The following TMEM163 variants were observed in gnomAD, a reference collection of about 807,000 sequenced individuals.
TMEM163 encodes the protein transmembrane protein 163.
TMEM163 carries 17 observed loss-of-function variants against 29.3 expected under a neutral mutation model. The ratio of observed to expected loss-of-function variants is 0.58; its 90% CI spans 0.40 to 0.87. TMEM163 has a LOEUF of 0.87. TMEM163 is among the 40% of genes least tolerant of loss of function. The pLI, the probability that TMEM163 is intolerant of heterozygous loss-of-function variation, is 0.00. For missense variants in TMEM163, 303 were observed against 381.5 expected (o/e 0.79, Z 1.71); for synonymous variants, 157 against 160.6 (o/e 0.98, Z 0.17).
intron 2 of TMEM163, among the ~76,000 whole-genome samples, chr2:134,697,583 G>GC (rs1436812091): frequency 6.6e-6 from 1 of 151,064 alleles, no homozygotes; most frequent in Non-Finnish European, 1.5e-5. Flanking sequence ...TCCTGCCTCA[G>GC]CCTCCCAAGT....
rs142156887 is a variant in TMEM163, at chr2:134,585,830, A to T, written c.323-33739T>A. Among the ~76,000 whole-genome samples the T allele has an allele frequency of 4.2e-3, 640 of 152,372 alleles. 5 individuals carry two copies. The highest frequency in any genetic ancestry group is 0.015 in the African/African-American group (609 of 41,584). On this transcript the variant is annotated intron_variant, in intron 2 of 7. Coordinates refer to ENST00000281924, the MANE Select transcript of TMEM163 (RefSeq NM_030923.5). ...GTTATTATCAATATTTCTTATAAAC[A>T]TAAAGCAAAATTGGAATATTTAATT... is the stretch of plus-strand genomic sequence containing the variant.
At chr2:134,493,083 G>A (rs1326057551) in intron 5 of TMEM163, among the ~76,000 whole-genome samples, 1 of 152,134 alleles carries the variant, frequency 6.6e-6, no homozygotes, top group East Asian at 1.9e-4. Context: ...ATCCCCCAAT[G>A]ACTAGGGTAA....
intron 7 of TMEM163, among the ~76,000 whole-genome samples, chr2:134,457,292 G>A (rs1386639029): frequency 1.3e-5 from 2 of 152,140 alleles, no homozygotes; most frequent in African/African-American, 4.8e-5. Context: ...CCATCCTCCC[G>A]CAGTGTATAC....
chr2:134,537,035 A>G (rs1289844208), intron 4 of TMEM163, among the ~76,000 whole-genome samples: 3 of 152,202 alleles, frequency 2.0e-5, no homozygotes, highest in Non-Finnish European at 2.9e-5. Context: ...ATCACTTCAA[A>G]ATATGTTGCC....
rs942720302 is a variant in TMEM163 at position 134,456,542 on chromosome 2, G to A, written c.*174C>T. 42 of 684,634 alleles carry A rather than the reference G, an allele frequency of 6.1e-5. 1 individual carries two copies. The highest frequency in any genetic ancestry group is 3.3e-4 in the East Asian group (12 of 36,606). 42.4% of individuals were successfully genotyped at this position (684,634 alleles called of 1,614,324 possible). A position where few individuals can be genotyped will look rare whatever the true frequency, so the allele number is the denominator to read the frequency against. The stretch of plus-strand genomic sequence containing the variant: ...TTGTCCCAACATGTTTGATGGGGGC[G>A]GCAGGTGATGGGGGCAAGGTAGATC... On this transcript the variant is annotated 3_prime_UTR_variant, in exon 8 of 8. Transcript: ENST00000281924.
intron 2 of TMEM163, among the ~76,000 whole-genome samples, chr2:134,581,070 G>A (rs6730778): frequency 1.3e-5 from 2 of 152,122 alleles, no homozygotes; most frequent in African/African-American, 2.4e-5. Flanking sequence ...CATCACAGAC[G>A]CAGGTGCCAA....
intron 2 of TMEM163, among the ~76,000 whole-genome samples, chr2:134,693,357 A>T (rs892514173): frequency 6.6e-6 from 1 of 152,242 alleles, no homozygotes; most frequent in Non-Finnish European, 1.5e-5. Flanking sequence ...CTGTAATCCC[A>T]GCACTTTGGC....
intron 2 of TMEM163, among the ~76,000 whole-genome samples, chr2:134,588,527 G>A (rs1323285264): frequency 6.6e-6 from 1 of 152,110 alleles, no homozygotes; most frequent in Admixed American, 6.5e-5. Context: ...CAAGGAGAGG[G>A]CACTGAACCA....
intron 5 of TMEM163, among the ~76,000 whole-genome samples, chr2:134,485,738 T>C (rs1679293147): frequency 6.6e-6 from 1 of 152,204 alleles, no homozygotes; most frequent in Non-Finnish European, 1.5e-5. Flanking sequence ...TACTTACATA[T>C]TGAAGGTTGA....
chr2:134,547,488 C>T (rs1680818583), intron 4 of TMEM163, among the ~76,000 whole-genome samples: 1 of 152,190 alleles, frequency 6.6e-6, no homozygotes, highest in African/African-American at 2.4e-5. Context: ...TTTCCAATTT[C>T]CTCTAATATT....
At chr2:134,630,065 G>A (rs890091906) in intron 2 of TMEM163, among the ~76,000 whole-genome samples, 1 of 152,078 alleles carries the variant, frequency 6.6e-6, no homozygotes, top group African/African-American at 2.4e-5. Flanking sequence ...TGCTCACCAC[G>A]TGCCTACTAT....
chr2:134,652,810 G>GT (rs1190021675), intron 2 of TMEM163, among the ~76,000 whole-genome samples: 12 of 121,394 alleles, frequency 9.9e-5, no homozygotes, highest in Non-Finnish European at 1.6e-4. Flanking sequence ...TAATCATGTG[G>GT]TTTTTGTCTT....
At chr2:134,536,395 T>C (rs1246912614) in intron 4 of TMEM163, among the ~76,000 whole-genome samples, 4 of 152,120 alleles carry the variant, frequency 2.6e-5, no homozygotes, top group Non-Finnish European at 5.9e-5. Flanking sequence ...TTACAGCTGT[T>C]CTCTTCCTCC....
chr2:134,530,005 C>T (rs1680385447), intron 4 of TMEM163, among the ~76,000 whole-genome samples: 1 of 152,106 alleles, frequency 6.6e-6, no homozygotes. Context: ...GCCAAGGCCA[C>T]TTCCCACCTT....
intron 2 of TMEM163, among the ~76,000 whole-genome samples, chr2:134,590,289 C>G (rs1681910403): frequency 6.6e-6 from 1 of 152,266 alleles, no homozygotes; most frequent in South Asian, 2.1e-4. Flanking sequence ...GCTTGTCTGT[C>G]TCTAGCCCTG....
rs747699983 is a variant in TMEM163 at position 134,550,596 on chromosome 2, A to G, written c.432T>C (p.Ala144=). The G allele has an allele frequency of 1.2e-6, 2 of 1,614,044 alleles. No individual in the cohort carries two copies. Among genetic ancestry groups the G allele is most frequent in the African/African-American group, 2.7e-5 (2 of 74,940 alleles). The part of the protein sequence containing the change: ...IVLWRYSNAA[A]VHSAHREYIA... The stretch of plus-strand genomic sequence containing the variant: ...TGTACTCCCTATGGGCAGAGTGCAC[A>G]GCGGCCGCGTTGCTGTAACGCCACA... The change falls in exon 4 of 8, where the codon GCT becomes GCC. Residue 144 remains alanine, a synonymous_variant. Transcript: ENST00000281924.
intron 7 of TMEM163, among the ~76,000 whole-genome samples, chr2:134,457,633 C>T (rs919490207): frequency 6.6e-6 from 1 of 152,224 alleles, no homozygotes; most frequent in Non-Finnish European, 1.5e-5. Flanking sequence ...CGGCCTCTGG[C>T]CAGCACACTG....
chr2:134,630,260 A>G (rs1404153890), intron 2 of TMEM163, among the ~76,000 whole-genome samples: 1 of 152,086 alleles, frequency 6.6e-6, no homozygotes, highest in South Asian at 2.1e-4. Context: ...AACACATGAT[A>G]AGTCTCTAGG....
intron 2 of TMEM163, among the ~76,000 whole-genome samples, chr2:134,592,665 G>T (rs1681964187): frequency 6.6e-6 from 1 of 152,088 alleles, no homozygotes; most frequent in Non-Finnish European, 1.5e-5. Flanking sequence ...TTAGCCCAGG[G>T]GGTTGGGGAG....
Sources: gnomAD v4.1 joint callset for allele counts (sites outside exome capture counted in the v4.1 genomes callset) on GRCh38, gnomAD v4.1.1 for gene constraint, MANE v1.5 for transcripts, NCBI Gene and HGNC (gene_info 2026-07-23, HGNC 2026-07-21) for gene names.